Variants in KANK1 observed in about 807,000 individuals in gnomAD.
KANK1 encodes KN motif and ankyrin repeat domain-containing protein 1.
A neutral mutation model predicts 106.2 loss-of-function variants in KANK1; 109 were observed. The ratio of observed to expected loss-of-function variants is 1.03; its 90% CI spans 0.88 to 1.20. The LOEUF (loss-of-function observed/expected upper bound fraction) is 1.20, where lower values mean the gene tolerates loss of function less well. Among genes scored for constraint, KANK1 ranks in the 50% most tolerant of loss-of-function variants. KANK1 has a pLI of 0.00. For synonymous variants in KANK1, 873 were observed against 652.2 expected (o/e 1.34, Z -5.16); for missense variants, 2,399 against 1,710.7 (o/e 1.40, Z -7.10).
At chr9:702,245 A>G (rs903677059) in intron 2 of KANK1, among the ~76,000 whole-genome samples, 1 of 152,084 alleles carries the variant, frequency 6.6e-6, no homozygotes, top group Admixed American at 6.5e-5. Context: ...GATGATGCCA[A>G]CCTAAGACAA....
intron 3 of KANK1, among the ~76,000 whole-genome samples, chr9:481,600 G>A (rs1367734434): frequency 6.6e-6 from 1 of 152,116 alleles, no homozygotes; most frequent in Non-Finnish European, 1.5e-5. Flanking sequence ...GCCAACAACG[G>A]CGGGCAAAAA....
At chr9:526,919 G>A (rs9408610) in intron 1 of KANK1, among the ~76,000 whole-genome samples, 52,875 of 151,192 alleles carry the variant, frequency 0.35, 11,202 homozygotes, top group African/African-American at 0.57. Context: ...CTCTTCTCCT[G>A]CTGTAATATT....
intron 1 of KANK1, among the ~76,000 whole-genome samples, chr9:659,045 T>A (rs7850399): frequency 6.6e-6 from 1 of 152,126 alleles, no homozygotes; most frequent in Non-Finnish European, 1.5e-5. Flanking sequence ...CATAATACGT[T>A]TATAACTTTT....
At position 711,385 on chromosome 9, in the gene KANK1, C is replaced by T; in HGVS notation, c.619C>T (p.Pro207Ser). ...PSFVGSGNHN[P>S]AKHQLQNGYQ... ...TTTTGTGGGTTCTGGAAACCACAAT[C>T]CTGCCAAGCACCAGCTTCAGAATGG... Residue 207 changes from proline (P) to serine (S), a missense_variant, in exon 3 of 12, where the codon CCT becomes TCT. Physicochemically the swap from Pro to Ser is moderately conservative, Grantham distance 74. Coordinates refer to ENST00000382297, the MANE Select transcript of KANK1 (RefSeq NM_015158.5). 6.2e-7 allele frequency: 1 copy of T among 1,614,184 alleles called. No homozygotes were observed. Among genetic ancestry groups the T allele is most frequent in the Non-Finnish European group, 8.5e-7 (1 of 1,180,028 alleles).
chr9:517,852 C>T (rs772509281), intron 1 of KANK1, among the ~76,000 whole-genome samples: 1 of 151,126 alleles, frequency 6.6e-6, no homozygotes, highest in African/African-American at 2.5e-5. Flanking sequence ...AGTTCTCCCG[C>T]CTCAGCCTCC....
At chr9:704,575 C>G (rs945993155) in intron 2 of KANK1, among the ~76,000 whole-genome samples, 5 of 152,172 alleles carry the variant, frequency 3.3e-5, no homozygotes, top group African/African-American at 9.7e-5. Flanking sequence ...GAACATCAAG[C>G]TGTCTTTGCC....
chr9:675,133 T>A (rs905796764), intron 1 of KANK1, among the ~76,000 whole-genome samples: 1 of 152,240 alleles, frequency 6.6e-6, no homozygotes, highest in Non-Finnish European at 1.5e-5. Context: ...CGTTTAAATG[T>A]GTACATATAC....
chr9:532,604 A>G (rs1025020082), intron 1 of KANK1, among the ~76,000 whole-genome samples: 25 of 152,140 alleles, frequency 1.6e-4, no homozygotes, highest in Non-Finnish European at 1.9e-4. Context: ...AAATTTAGAC[A>G]TATAGTTGAT....
intron 2 of KANK1, chr9:684,720 C>A: frequency 3.1e-6 from 1 of 321,744 alleles, no homozygotes; most frequent in Non-Finnish European, 4.5e-6. Context: ...AATTTCAGTT[C>A]ATCTCCTTTG....
At chr9:732,218 C>G (rs947669758) in intron 5 of KANK1, 160 bp from the exon 6 acceptor site, 1 of 760,112 alleles carries the variant, frequency 1.3e-6, no homozygotes, top group Non-Finnish European at 2.1e-6. Flanking sequence ...TTCAAAACCA[C>G]CAGGCATTTA....
At chr9:514,843 G>C (rs552339789) in intron 1 of KANK1, among the ~76,000 whole-genome samples, 1 of 151,788 alleles carries the variant, frequency 6.6e-6, no homozygotes, top group South Asian at 2.1e-4. Context: ...TTCAACTGGA[G>C]TAGGTACCGT....
chr9:504,770 G>A lies in KANK1; in HGVS notation c.-84+16G>A, dbSNP rs998370965. ...GCGGCCGAAGGTGAGTGACGCGGCG[G>A]GGCCGTGCCGCGCCCCGTGCCGCGG... On this transcript the variant is annotated intron_variant, in intron 1 of 11. Transcript: ENST00000382297. The A allele has an allele frequency of 1.3e-5, 2 of 149,544 alleles. No individual in the cohort carries two copies. The highest frequency in any genetic ancestry group is 3.0e-5 in the Non-Finnish European group (2 of 67,376). The allele number at this position is 149,544 out of a possible 1,614,324, so 9.3% of individuals were successfully genotyped here. A position where few individuals can be genotyped will look rare whatever the true frequency, so the allele number is the denominator to read the frequency against.
At chr9:692,826 G>A (rs1820302741) in intron 2 of KANK1, among the ~76,000 whole-genome samples, 1 of 151,992 alleles carries the variant, frequency 6.6e-6, no homozygotes, top group Non-Finnish European at 1.5e-5. Flanking sequence ...CCCAACCTGG[G>A]CAACATAGTA....
intron 1 of KANK1, among the ~76,000 whole-genome samples, chr9:514,207 T>TCTCCCTCCCTCCCTTC: frequency 2.1e-5 from 1 of 47,416 alleles, no homozygotes; most frequent in Non-Finnish European, 3.4e-5. Context: ...TCCCTCCCTC[T>TCTCCCTCCCTCCCTTC]CTCCCTCCCT....
chr9:644,363 G>C lies in KANK1; in HGVS notation c.-83-32527G>C, dbSNP rs769223561. Among the ~76,000 whole-genome samples, 3 of 150,924 alleles carry C rather than the reference G, an allele frequency of 2.0e-5. 1 individual carries two copies. Among genetic ancestry groups the C allele is most frequent in the South Asian group, 2.1e-4 (1 of 4,828 alleles). On this transcript the variant is annotated intron_variant, in intron 1 of 11. Transcript: ENST00000382297. Reference sequence around the variant, plus strand: ...CCTTTTGAGAAGCATTAATTAGTCCGTTCTCTCACTGCTATAAAGAAATAC... The same window carrying C: ...CCTTTTGAGAAGCATTAATTAGTCCCTTCTCTCACTGCTATAAAGAAATAC...
intron 1 of KANK1, among the ~76,000 whole-genome samples, chr9:513,892 C>G (rs750182698): frequency 2.0e-5 from 3 of 152,150 alleles, no homozygotes; most frequent in Non-Finnish European, 4.4e-5. Flanking sequence ...TGGTGCACAC[C>G]TGTAGTCCCA....
At chr9:649,978 C>G (rs1467738601) in intron 1 of KANK1, among the ~76,000 whole-genome samples, 1 of 152,126 alleles carries the variant, frequency 6.6e-6, no homozygotes, top group Non-Finnish European at 1.5e-5. Context: ...AGAGAAAATT[C>G]TGCAGTCCTG....
chr9:620,063 G>A (rs769255542), intron 1 of KANK1, among the ~76,000 whole-genome samples: 19 of 151,948 alleles, frequency 1.3e-4, no homozygotes, highest in Non-Finnish European at 1.9e-4. Flanking sequence ...CTTGAACCTC[G>A]GAGGCAGAGG....
At chr9:530,304 AATT>A (rs1194911748) in intron 1 of KANK1, among the ~76,000 whole-genome samples, 3 of 152,174 alleles carry the variant, frequency 2.0e-5, no homozygotes, top group Non-Finnish European at 1.5e-5. Context: ...CCCATCTTAA[AATT>A]ATTATTTTTA....
Sources: gnomAD v4.1 joint callset for allele counts (sites outside exome capture counted in the v4.1 genomes callset) on GRCh38, gnomAD v4.1.1 for gene constraint, MANE v1.5 for transcripts, NCBI Gene and HGNC (gene_info 2026-07-23, HGNC 2026-07-21) for gene names.